HSPA1L: variants seen among roughly 807,000 people sequenced by gnomAD.
The protein encoded by HSPA1L is heat shock protein family A (Hsp70) member 1 like.
A neutral mutation model predicts 31.5 loss-of-function variants in HSPA1L; 21 were observed. That is an observed-to-expected ratio of 0.67 (90% CI 0.47 to 0.96). The LOEUF (loss-of-function observed/expected upper bound fraction) is 0.96. HSPA1L is among the 40% of genes least tolerant of loss of function. The probability of loss-of-function intolerance (pLI) is 0.00; values close to 1 mark genes in which losing one functional copy is unlikely to be tolerated. For missense variants in HSPA1L, 709 were observed against 813.4 expected, an observed-to-expected ratio of 0.87 and a Z score of 1.56; for synonymous variants, 293 against 323.1, an observed-to-expected ratio of 0.91 and a Z score of 1.00.
chr6:31,809,725 A>G lies in HSPA1L; in HGVS notation c.*322T>C, dbSNP rs144007501. The G allele has an allele frequency of 2.7e-4, 84 of 312,192 alleles. No individual in the cohort carries two copies. The highest frequency in any genetic ancestry group is 1.4e-3 in the African/African-American group (67 of 47,008). The allele number at this position is 312,192 out of a possible 1,614,324, so 19.3% of individuals were successfully genotyped here. A position where few individuals can be genotyped will look rare whatever the true frequency, so the allele number is the denominator to read the frequency against. On this transcript the variant is annotated 3_prime_UTR_variant, in exon 2 of 2. Coordinates refer to ENST00000375654, the MANE Select transcript of HSPA1L (RefSeq NM_005527.4). ...AAGGTACATTCACAGCCTAAATACC[A>G]GAAGTAATTTTCTTTACGAACAAAT...
chr6:31,815,208 T>G lies in HSPA1L; in HGVS notation c.-333A>C. 4.7e-6 allele frequency: 1 copy of G among 214,972 alleles called. No individual in the cohort carries two copies. The highest frequency in any genetic ancestry group is 7.8e-5 in the South Asian group (1 of 12,796). 13.3% of individuals were successfully genotyped at this position (214,972 alleles called of 1,614,324 possible). A position where few individuals can be genotyped will look rare whatever the true frequency, so the allele number is the denominator to read the frequency against. ...GCGCAGGCCCAGCAAGCCCCCACAA[T>G]TAAAAGCCCAGCGCCGACCCTTCCT... On this transcript the variant is annotated 5_prime_UTR_variant, in exon 1 of 2. Coordinates refer to ENST00000375654, the MANE Select transcript of HSPA1L (RefSeq NM_005527.4).
chr6:31,810,943 G>A lies in HSPA1L; in HGVS notation c.1030C>T (p.Arg344Cys), dbSNP rs544557163. The A allele has an allele frequency of 1.2e-6, 2 of 1,614,110 alleles. No homozygotes were observed. The highest frequency in any genetic ancestry group is 2.2e-5 in the East Asian group (1 of 44,882). The change falls in exon 2 of 2, where the codon CGC becomes TGC. Residue 344 changes from arginine to cysteine, a missense_variant. Arg to Cys is a radical substitution (Grantham distance 180). Transcript: ENST00000375654. ...AGCAGCCGCTGCACCTTGGGGATGC[G>A]GGTGGAGCCCCCTACTAAAACAATG... Reference protein sequence around the residue: ...HDIVLVGGSTRIPKVQRLLQD... With the variant: ...HDIVLVGGSTCIPKVQRLLQD...
intron 1 of HSPA1L, among the ~76,000 whole-genome samples, chr6:31,812,756 C>T (rs1815518696): frequency 6.6e-6 from 1 of 152,192 alleles, no homozygotes; most frequent in South Asian, 2.1e-4. Context: ...TCTCGCAAAA[C>T]TGAAACTGTA....
chr6:31,813,584 C>T (rs927152471), intron 1 of HSPA1L, among the ~76,000 whole-genome samples: 1 of 152,136 alleles, frequency 6.6e-6, no homozygotes, highest in South Asian at 2.1e-4. Context: ...GGATGGCAGG[C>T]ATGAGCCACC....
intron 1 of HSPA1L, among the ~76,000 whole-genome samples, chr6:31,812,301 G>A (rs899025697): frequency 6.6e-6 from 1 of 151,898 alleles, no homozygotes; most frequent in African/African-American, 2.4e-5. Context: ...CGAGTGGCTG[G>A]GATTATGAGG....
In HSPA1L at chr6:31,810,722, C is replaced by T. The variant is rs1323213317; in HGVS notation, c.1251G>A (p.Lys417=). ...TAGGVMTALI[K]RNSTIPTKQT... The stretch of plus-strand genomic sequence containing the variant: ...GCTTGGTGGGGATGGTGGAGTTGCG[C>T]TTTATCAGGGCAGTCATCACGCCCC... Residue 417 remains lysine (K), a synonymous_variant, in exon 2 of 2, where the codon AAG becomes AAA. Transcript: ENST00000375654. The T allele has an allele frequency of 1.9e-6, 3 of 1,613,898 alleles. No individual in the cohort carries two copies. Among genetic ancestry groups the T allele is most frequent in the Non-Finnish European group, 2.5e-6 (3 of 1,180,006 alleles).
rs576949512 is a variant in HSPA1L at position 31,810,044 on chromosome 6, GAATT to G, written c.1925_*2del. On this transcript the variant is annotated stop_lost and 3_prime_UTR_variant, in exon 2 of 2. Transcript: ENST00000375654. ...TCCTAGGATGCTTCAGTTCTAAAAA[GAATT>G]AATCTACTTCTTCAATTGTGGGGCC... The G allele has an allele frequency of 8.5e-6, 12 of 1,418,082 alleles. No homozygotes were observed. The highest frequency in any genetic ancestry group is 1.0e-5 in the Non-Finnish European group (11 of 1,084,874). The allele number at this position is 1,418,082 out of a possible 1,614,324, so 87.8% of individuals were successfully genotyped here.
rs1440150593 is a variant in HSPA1L at position 31,810,267 on chromosome 6, T to G, written c.1706A>C (p.Lys569Thr). The G allele has an allele frequency of 6.5e-7, 1 of 1,529,296 alleles. No homozygotes were observed. Among genetic ancestry groups the G allele is most frequent in the African/African-American group, 1.4e-5 (1 of 72,126 alleles). The allele number at this position is 1,529,296 out of a possible 1,614,324, so 94.7% of individuals were successfully genotyped here. Residue 569 changes from lysine to threonine, a missense_variant, in exon 2 of 2, where the codon AAA becomes ACA. Transcript: ENST00000375654. ...GTTGCATTTATCCAATATTTTATTT[T>G]TATCAGACTCACTAATCTTGCCCTT... ...GLKGKISESDKNKILDKCNEL... is the reference protein window; with the variant it reads ...GLKGKISESDTNKILDKCNEL...
Position 31,810,126 on chromosome 6 carries a change from C to G in HSPA1L, c.1847G>C (p.Gly616Ala). The change falls in exon 2 of 2, where the codon GGA becomes GCA. Residue 616 changes from glycine to alanine, a missense_variant. Transcript: ENST00000375654. ...TGTTCCGCAGGCAGGCCCAGTGCAT[C>G]CTCCTTGGTAGAGTTTTGTGATGAT... ...NPIITKLYQG[G>A]CTGPACGTGY... 6.7e-7 allele frequency: 1 copy of G among 1,497,896 alleles called. No individual in the cohort carries two copies. Among genetic ancestry groups the G allele is most frequent in the Non-Finnish European group, 8.9e-7 (1 of 1,128,126 alleles). The allele number at this position is 1,497,896 out of a possible 1,614,324, so 92.8% of individuals were successfully genotyped here.
chr6:31,813,921 C>T (rs1267560086), intron 1 of HSPA1L, among the ~76,000 whole-genome samples: 1 of 152,188 alleles, frequency 6.6e-6, no homozygotes, highest in East Asian at 1.9e-4. Flanking sequence ...AGCCTCCACA[C>T]TTGAGTTCTG....
In HSPA1L at chr6:31,815,186, C is replaced by G. The variant is rs1421678788; in HGVS notation, c.-311G>C. The stretch of plus-strand genomic sequence containing the variant: ...CACCAGCCCCCTGCCCACAACTGCG[C>G]AGGCCCAGCAAGCCCCCACAATTAA... On this transcript the variant is annotated 5_prime_UTR_variant, in exon 1 of 2. Coordinates refer to ENST00000375654, the MANE Select transcript of HSPA1L (RefSeq NM_005527.4). The G allele has an allele frequency of 4.3e-6, 1 of 230,928 alleles. No individual in the cohort carries two copies. The highest frequency in any genetic ancestry group is 7.9e-6 in the Non-Finnish European group (1 of 126,712). 14.3% of individuals were successfully genotyped at this position (230,928 alleles called of 1,614,324 possible).
rs767137456 is a variant in HSPA1L, at chr6:31,810,441, C to T, written c.1532G>A (p.Arg511His). 80 of 1,613,854 alleles carry T rather than the reference C, an allele frequency of 5.0e-5. No homozygotes were observed. Among genetic ancestry groups the T allele is most frequent in the Non-Finnish European group, 5.8e-5 (68 of 1,179,952 alleles). The change falls in exon 2 of 2, where the codon CGC (arginine) becomes CAC (histidine). Residue 511 changes from arginine (R) to histidine (H), a missense_variant. By Grantham distance (29) the Arg-to-His change is conservative. Coordinates refer to ENST00000375654, the MANE Select transcript of HSPA1L (RefSeq NM_005527.4). ...GCGCTCAATCTCCTCCTTGCTCAGG[C>T]GGCCCTTGTCATTGGTGATGGTGAT... is the stretch of plus-strand genomic sequence containing the variant. ...NKITITNDKG[R>H]LSKEEIERMV... is the part of the protein sequence containing the mutation.
Position 31,809,959 on chromosome 6 carries a change from G to C in HSPA1L, c.*88C>G. On this transcript the variant is annotated 3_prime_UTR_variant, in exon 2 of 2. Coordinates refer to ENST00000375654, the MANE Select transcript of HSPA1L (RefSeq NM_005527.4). ...CCAAGGGATGGTAACTTAGATTCAG[G>C]TCTGGTCAAGAATAATAATGATGTT... 6.1e-6 allele frequency: 7 copies of C among 1,151,256 alleles called. No homozygotes were observed. The highest frequency in any genetic ancestry group is 6.9e-6 in the Non-Finnish European group (6 of 870,102). 71.3% of individuals were successfully genotyped at this position (1,151,256 alleles called of 1,614,324 possible).
chr6:31,809,980 A>G lies in HSPA1L; in HGVS notation c.*67T>C, dbSNP rs1223297030. ...TCAGGTCTGGTCAAGAATAATAATG[A>G]TGTTTGAAGATGAGGGGAATGAAAT... On this transcript the variant is annotated 3_prime_UTR_variant, in exon 2 of 2. Coordinates refer to ENST00000375654, the MANE Select transcript of HSPA1L (RefSeq NM_005527.4). The G allele has an allele frequency of 2.4e-6, 3 of 1,254,796 alleles. No homozygotes were observed. The highest frequency in any genetic ancestry group is 1.6e-5 in the African/African-American group (1 of 63,124). 77.7% of individuals were successfully genotyped at this position (1,254,796 alleles called of 1,614,324 possible). A position where few individuals can be genotyped will look rare whatever the true frequency, so the allele number is the denominator to read the frequency against.
In HSPA1L at chr6:31,812,404, C is replaced by T. The variant is rs554556813; in HGVS notation, c.-13-419G>A. ...GCCAGGCTGGTCTCAAACTCCTGAC[C>T]TCAGGTGATCCGCCCGCCTCGGCCT... On this transcript the variant is annotated intron_variant, in intron 1 of 1. Coordinates refer to ENST00000375654, the MANE Select transcript of HSPA1L (RefSeq NM_005527.4). Among the ~76,000 whole-genome samples, 10 of 152,038 alleles carry T rather than the reference C, an allele frequency of 6.6e-5. No homozygotes were observed. In the East Asian group the frequency reaches 1.9e-3, roughly 29 times the overall value.
At position 31,815,212 on chromosome 6, in the gene HSPA1L, A is replaced by C; in HGVS notation, c.-337T>G. Reference sequence around the variant, plus strand: ...AGGCCCAGCAAGCCCCCACAATTAAAAGCCCAGCGCCGACCCTTCCTGTCA... The same window carrying C: ...AGGCCCAGCAAGCCCCCACAATTAACAGCCCAGCGCCGACCCTTCCTGTCA... On this transcript the variant is annotated 5_prime_UTR_variant, in exon 1 of 2. Transcript: ENST00000375654. 2 of 217,054 alleles carry C rather than the reference A, an allele frequency of 9.2e-6. No homozygotes were observed. The highest frequency in any genetic ancestry group is 1.8e-5 in the Non-Finnish European group (2 of 111,294). 13.4% of individuals were successfully genotyped at this position (217,054 alleles called of 1,614,324 possible). A position where few individuals can be genotyped will look rare whatever the true frequency, so the allele number is the denominator to read the frequency against.
At chr6:31,814,354 G>A (rs574863965) in intron 1 of HSPA1L, among the ~76,000 whole-genome samples, 67 of 151,600 alleles carry the variant, frequency 4.4e-4, no homozygotes, top group Admixed American at 7.9e-4. Context: ...CCGGGAGGTG[G>A]AGCAATTAGC....
At position 31,810,367 on chromosome 6, in the gene HSPA1L, C is replaced by T. The variant is rs201132627; in HGVS notation, c.1606G>A (p.Glu536Lys). The T allele has an allele frequency of 6.2e-7, 1 of 1,607,212 alleles. No homozygotes were observed. The highest frequency in any genetic ancestry group is 1.7e-5 in the Admixed American group (1 of 58,464). ...AAGGCATTCTTTGCAGCAATTTTCT[C>T]CCTCTGGACCTCATCTTCAGCTTTA... is the stretch of plus-strand genomic sequence containing the variant. ...KYKAEDEVQR[E>K]KIAAKNALES... The change falls in exon 2 of 2, where the codon GAG (glutamate) becomes AAG (lysine). Residue 536 changes from glutamate (E) to lysine (K), a missense_variant. Physicochemically the swap from Glu to Lys is moderately conservative, Grantham distance 56. Coordinates refer to ENST00000375654, the MANE Select transcript of HSPA1L (RefSeq NM_005527.4).
Position 31,814,960 on chromosome 6 carries a change from T to G in HSPA1L, c.-85A>C. ...GCAGCCCCAGCGAGTAGGTGGGGGC[T>G]CCCTCAATATCAAACTGCACAACCG... On this transcript the variant is annotated 5_prime_UTR_variant, in exon 1 of 2. Coordinates refer to ENST00000375654, the MANE Select transcript of HSPA1L (RefSeq NM_005527.4). 1.0e-6 allele frequency: 1 copy of G among 985,224 alleles called. No homozygotes were observed. Among genetic ancestry groups the G allele is most frequent in the Non-Finnish European group, 1.2e-6 (1 of 830,010 alleles). 61.0% of individuals were successfully genotyped at this position (985,224 alleles called of 1,614,324 possible). A position where few individuals can be genotyped will look rare whatever the true frequency, so the allele number is the denominator to read the frequency against.
Sources: allele counts gnomAD v4.1 joint callset (sites outside exome capture counted in the v4.1 genomes callset), GRCh38; gene constraint gnomAD v4.1.1; transcripts MANE v1.5; gene names NCBI Gene and HGNC (gene_info 2026-07-23, HGNC 2026-07-21).